ARHGAP42: variants seen among roughly 807,000 people sequenced by gnomAD.
ARHGAP42 encodes the protein Rho GTPase activating protein 42.
In ARHGAP42, 63 loss-of-function variants were observed where a neutral mutation model predicts 125.0. The observed-to-expected ratio is 0.50, with a 90% CI of 0.41 to 0.62. The LOEUF is 0.62. Among genes scored for constraint, ARHGAP42 ranks in the 20% least tolerant of loss-of-function variants. The pLI is 0.00. For synonymous variants in ARHGAP42, 339 were observed against 351.0 expected, an observed-to-expected ratio of 0.97 and a Z score of 0.38; for missense variants, 766 against 1,024.2, an observed-to-expected ratio of 0.75 and a Z score of 3.44.
chr11:100,718,544 T>C (rs1276759019), intron 1 of ARHGAP42, among the ~76,000 whole-genome samples: 22 of 152,168 alleles, frequency 1.4e-4, no homozygotes, highest in Non-Finnish European at 1.9e-4. Flanking sequence ...TGAAGATAAA[T>C]AAATTGGACA....
At chr11:100,782,734 G>A (rs533532476) in intron 2 of ARHGAP42, among the ~76,000 whole-genome samples, 10 of 152,276 alleles carry the variant, frequency 6.6e-5, no homozygotes, top group African/African-American at 9.6e-5. Context: ...TTGGTGAGTC[G>A]TGATTCAGGG....
chr11:100,692,506 T>C (rs1461930759), intron 1 of ARHGAP42, among the ~76,000 whole-genome samples: 1 of 152,232 alleles, frequency 6.6e-6, no homozygotes, highest in Non-Finnish European at 1.5e-5. Context: ...CTCACACTTT[T>C]CCCAGTTGCA....
intron 2 of ARHGAP42, among the ~76,000 whole-genome samples, chr11:100,772,404 G>A (rs1863004713): frequency 6.6e-6 from 1 of 152,206 alleles, no homozygotes; most frequent in Non-Finnish European, 1.5e-5. Context: ...TATATGCCAA[G>A]TGGTCACTCT....
In ARHGAP42 at chr11:100,792,407, C is replaced by CTT. The variant is rs375082193; in HGVS notation, c.251-2697_251-2696insTT. On this transcript the variant is annotated intron_variant, in intron 2 of 23. Transcript: ENST00000298815. ...CAATCTCCTATCTTGCCAGTCCCCA[C>CTT]TACTTACTTTAATTTCTCAGAAAGA... 2.6e-4 allele frequency among the ~76,000 whole-genome samples: 40 copies of CTT among 152,304 alleles called. 2 individuals carry two copies. The East Asian group carries it at 7.7e-3, about 29-fold the overall frequency.
intron 16 of ARHGAP42, among the ~76,000 whole-genome samples, chr11:100,965,010 G>A (rs1211112855): frequency 6.6e-6 from 1 of 152,124 alleles, no homozygotes; most frequent in Non-Finnish European, 1.5e-5. Context: ...GGCTGGGAAG[G>A]ACTCGGGAAA....
intron 3 of ARHGAP42, among the ~76,000 whole-genome samples, chr11:100,803,507 G>A (rs542748228): frequency 2.4e-4 from 36 of 152,258 alleles, no homozygotes; most frequent in African/African-American, 8.7e-4. Flanking sequence ...GTCCTCCTAG[G>A]GAGACATTAG....
intron 4 of ARHGAP42, among the ~76,000 whole-genome samples, chr11:100,882,596 A>T (rs111950021): frequency 0.052 from 7,820 of 151,184 alleles, 277 homozygotes; most frequent in African/African-American, 0.1. Flanking sequence ...TTTTGGTATT[A>T]GGGTGGTACT....
intron 2 of ARHGAP42, among the ~76,000 whole-genome samples, chr11:100,794,821 A>G (rs1863669838): frequency 6.6e-6 from 1 of 152,086 alleles, no homozygotes; most frequent in Admixed American, 6.6e-5. Flanking sequence ...TATAAGCTAT[A>G]TTTCTTCCAA....
At chr11:100,767,433 G>A (rs922568991) in intron 1 of ARHGAP42, among the ~76,000 whole-genome samples, 2 of 152,168 alleles carry the variant, frequency 1.3e-5, no homozygotes, top group South Asian at 2.1e-4. Flanking sequence ...TTATAAGTGG[G>A]CCACTGTGTT....
chr11:100,965,266 A>G (rs947215560), intron 16 of ARHGAP42, among the ~76,000 whole-genome samples: 1 of 152,132 alleles, frequency 6.6e-6, no homozygotes, highest in Admixed American at 6.6e-5. Flanking sequence ...CAGCCAAACC[A>G]TATCAATGGG....
At chr11:100,866,077 A>G (rs1446331131) in intron 4 of ARHGAP42, among the ~76,000 whole-genome samples, 3 of 152,234 alleles carry the variant, frequency 2.0e-5, no homozygotes, top group East Asian at 1.9e-4. Flanking sequence ...ACGTAAGTAT[A>G]TGGAATATTC....
intron 3 of ARHGAP42, among the ~76,000 whole-genome samples, chr11:100,804,729 G>A (rs1002687995): frequency 2.6e-5 from 4 of 151,732 alleles, no homozygotes; most frequent in Non-Finnish European, 5.9e-5. Context: ...GGCCAGGCTG[G>A]TCTCAAACTC....
chr11:100,979,342 G>A (rs608149), intron 22 of ARHGAP42, among the ~76,000 whole-genome samples: 63,044 of 151,924 alleles, frequency 0.41, 14,822 homozygotes, highest in East Asian at 0.95. Context: ...CAGTCATTTT[G>A]GGACCACTTT....
At position 100,859,563 on chromosome 11, in the gene ARHGAP42, G is replaced by A. The variant is rs962405525; in HGVS notation, c.322G>A (p.Ala108Thr). ...EEERRRLIQN[A>T]NDVLIAPLEK... ...GCATTTTTTATTTCAGATCCAAAAC[G>A]CTAACGATGTATTAATTGCACCACT... Residue 108 changes from alanine (A) to threonine (T), a missense_variant, in exon 4 of 24, where the codon GCT becomes ACT. Coordinates refer to ENST00000298815, the MANE Select transcript of ARHGAP42 (RefSeq NM_152432.4). 6.6e-7 allele frequency: 1 copy of A among 1,521,028 alleles called. No individual in the cohort carries two copies. Among genetic ancestry groups the A allele is most frequent in the Non-Finnish European group, 8.8e-7 (1 of 1,135,366 alleles). 94.2% of individuals were successfully genotyped at this position (1,521,028 alleles called of 1,614,324 possible).
At chr11:100,923,873 C>G (rs986346469) in intron 6 of ARHGAP42, among the ~76,000 whole-genome samples, 4 of 152,056 alleles carry the variant, frequency 2.6e-5, no homozygotes, top group South Asian at 2.1e-4. Flanking sequence ...AGAGTCTCAT[C>G]CATGGAGTTG....
chr11:100,985,982 A>G (rs1858668795), intron 22 of ARHGAP42: 1 of 454,356 alleles, frequency 2.2e-6, no homozygotes, highest in Admixed American at 2.4e-5. Context: ...GACCCCAAGG[A>G]GGATAGATAA....
chr11:100,886,665 G>T (rs1317903364), intron 4 of ARHGAP42, among the ~76,000 whole-genome samples: 1 of 152,168 alleles, frequency 6.6e-6, no homozygotes, highest in Admixed American at 6.5e-5. Flanking sequence ...AATAATTGAT[G>T]TATTGCATGT....
chr11:100,810,956 T>A (rs952324818), intron 3 of ARHGAP42, among the ~76,000 whole-genome samples: 39 of 152,130 alleles, frequency 2.6e-4, no homozygotes, highest in African/African-American at 7.5e-4. Flanking sequence ...TTATTTATTT[T>A]ATTTATTTTG....
At chr11:100,759,485 G>T (rs1364371615) in intron 1 of ARHGAP42, among the ~76,000 whole-genome samples, 1 of 152,052 alleles carries the variant, frequency 6.6e-6, no homozygotes, top group Non-Finnish European at 1.5e-5. Flanking sequence ...GTCCTGTGTT[G>T]GGTGCAGTAA....
Sources: allele counts gnomAD v4.1 joint callset (sites outside exome capture counted in the v4.1 genomes callset), GRCh38; gene constraint gnomAD v4.1.1; transcripts MANE v1.5; gene names NCBI Gene and HGNC (gene_info 2026-07-23, HGNC 2026-07-21).